IREB2: variants seen among roughly 807,000 people sequenced by gnomAD.
The protein encoded by IREB2 is iron responsive element binding protein 2, also known as iron-responsive element-binding protein 2.
Under a neutral mutation model 118.8 loss-of-function variants are expected in IREB2, and 39 were observed. That is an observed-to-expected ratio of 0.33 (90% CI 0.25 to 0.43). The LOEUF (loss-of-function observed/expected upper bound fraction) is 0.43. Among genes scored for constraint, IREB2 ranks in the 20% least tolerant of loss-of-function variants. The pLI is 1.00. For synonymous variants in IREB2, 372 were observed against 392.2 expected, an observed-to-expected ratio of 0.95 and a Z score of 0.61; for missense variants, 900 against 1,147.3, an observed-to-expected ratio of 0.78 and a Z score of 3.11.
intron 10 of IREB2, among the ~76,000 whole-genome samples, chr15:78,478,736 A>G (rs985172251): frequency 6.6e-6 from 1 of 152,134 alleles, no homozygotes; most frequent in Admixed American, 6.5e-5. Flanking sequence ...AATAAATTCT[A>G]GAGTACCTGA....
At position 78,489,647 on chromosome 15, in the gene IREB2, T is replaced by TG. The variant is rs201119004; in HGVS notation, c.2077-771dup. On this transcript the variant is annotated intron_variant, in intron 16 of 21. Transcript: ENST00000258886. The stretch of plus-strand genomic sequence containing the variant: ...CCTGCTCCTCAGCCTCCTGAGTAGC[T>TG]GGGGCCACAGGCGCTCACCATCAGG... Among the ~76,000 whole-genome samples the TG allele has an allele frequency of 3.6e-3, 551 of 152,222 alleles. 23 individuals are homozygous for TG. In the East Asian group the frequency reaches 0.091, roughly 25 times the overall value.
At chr15:78,488,838 T>G (rs1873773244) in intron 16 of IREB2, 67 bp downstream of exon 16, 1 of 886,896 alleles carries the variant, frequency 1.1e-6, no homozygotes, top group South Asian at 2.1e-5. Flanking sequence ...TCATATATCT[T>G]CTGAATAGAA....
At chr15:78,465,147 A>AAAATAT in intron 3 of IREB2, 104 bp from the exon 4 acceptor site, 1 of 868,928 alleles carries the variant, frequency 1.2e-6, no homozygotes, top group South Asian at 1.9e-5. Flanking sequence ...AATGTAAACT[A>AAAATAT]GACAGGGATA....
intron 5 of IREB2, among the ~76,000 whole-genome samples, chr15:78,468,141 A>C (rs529375648): frequency 6.6e-6 from 1 of 152,216 alleles, no homozygotes; most frequent in Non-Finnish European, 1.5e-5. Flanking sequence ...AGCATGAGCT[A>C]CTGTGCCCAG....
chr15:78,494,353 AT>A, intron 20 of IREB2, 89 bp downstream of exon 20: 1 of 1,335,056 alleles, frequency 7.5e-7, no homozygotes, highest in Non-Finnish European at 1.0e-6. Flanking sequence ...GTTTATCTGG[AT>A]TTTTTATAGT....
intron 5 of IREB2, among the ~76,000 whole-genome samples, chr15:78,467,039 G>A (rs2051294937): frequency 6.6e-6 from 1 of 151,520 alleles, no homozygotes; most frequent in African/African-American, 2.4e-5. Flanking sequence ...CAGCACTGGT[G>A]AAACCCTGTG....
At chr15:78,488,074 T>C in intron 14 of IREB2, 106 bp from the exon 15 acceptor site, 1 of 1,019,200 alleles carries the variant, frequency 9.8e-7, no homozygotes, top group Non-Finnish European at 1.4e-6. Context: ...ATATGTTTTT[T>C]GGTTAATCTC....
intron 2 of IREB2, among the ~76,000 whole-genome samples, chr15:78,441,564 T>C (rs765689791): frequency 2.6e-5 from 4 of 152,232 alleles, no homozygotes; most frequent in Non-Finnish European, 4.4e-5. Context: ...ATAAATACTT[T>C]CTGTGTATAA....
At position 78,461,675 on chromosome 15, in the gene IREB2, C is replaced by T. The variant is rs117420848; in HGVS notation, c.107-1247C>T. On this transcript the variant is annotated intron_variant, in intron 2 of 21. Transcript: ENST00000258886. ...CTCTGCATACTTCCTCCTCCTCGCC[C>T]CCCTCCACCTCACCCAGTGAGCAGG... 3.1e-3 allele frequency among the ~76,000 whole-genome samples: 473 copies of T among 152,228 alleles called. 2 individuals carry two copies. The highest frequency in any genetic ancestry group is 5.6e-3 in the Non-Finnish European group (382 of 68,018).
chr15:78,490,347 G>T (rs1596014293), intron 16 of IREB2, 75 bp from the exon 17 acceptor site: 2 of 885,696 alleles, frequency 2.3e-6, no homozygotes, highest in Non-Finnish European at 3.6e-6. Context: ...TTATTCCCTT[G>T]ATCATTTTCA....
intron 10 of IREB2, among the ~76,000 whole-genome samples, chr15:78,480,427 C>T (rs1283852835): frequency 6.6e-6 from 1 of 152,170 alleles, no homozygotes; most frequent in Non-Finnish European, 1.5e-5. Flanking sequence ...CGCCTGTAAT[C>T]CCAGCACTTT....
At chr15:78,494,753 T>C (rs1021894520) in intron 20 of IREB2, among the ~76,000 whole-genome samples, 1 of 152,186 alleles carries the variant, frequency 6.6e-6, no homozygotes, top group East Asian at 1.9e-4. Flanking sequence ...TTGTATTGTT[T>C]GTAGAGATCG....
At chr15:78,468,700 TTC>T (rs1240228155) in intron 5 of IREB2, among the ~76,000 whole-genome samples, 4 of 152,216 alleles carry the variant, frequency 2.6e-5, no homozygotes, top group Non-Finnish European at 5.9e-5. Flanking sequence ...ATCTTCCAAA[TTC>T]TGTCTAGTTC....
At chr15:78,478,747 C>CCA (rs1213743999) in intron 10 of IREB2, among the ~76,000 whole-genome samples, 1 of 152,112 alleles carries the variant, frequency 6.6e-6, no homozygotes, top group Non-Finnish European at 1.5e-5. Context: ...GAGTACCTGA[C>CCA]CACCTGGGTT....
chr15:78,438,762 C>A (rs1057331818), intron 1 of IREB2: 1 of 279,422 alleles, frequency 3.6e-6, no homozygotes, highest in Non-Finnish European at 7.0e-6. Context: ...TCGGGTCTCA[C>A]GCAGCTAGAT....
At chr15:78,451,592 A>T (rs2051025201) in intron 2 of IREB2, among the ~76,000 whole-genome samples, 1 of 152,236 alleles carries the variant, frequency 6.6e-6, no homozygotes, top group Non-Finnish European at 1.5e-5. Context: ...CAATACGAGT[A>T]CTACAGGTTG....
chr15:78,459,355 T>G (rs1245969375), intron 2 of IREB2, among the ~76,000 whole-genome samples: 3 of 152,044 alleles, frequency 2.0e-5, no homozygotes, highest in African/African-American at 7.2e-5. Flanking sequence ...GGTTTTTTTG[T>G]TTTTTGTTTT....
At chr15:78,455,172 C>T (rs567688657) in intron 2 of IREB2, among the ~76,000 whole-genome samples, 6 of 151,972 alleles carry the variant, frequency 3.9e-5, no homozygotes, top group South Asian at 2.1e-4. Context: ...CCACATTGAC[C>T]CTAACTGCCT....
At chr15:78,468,026 A>AT (rs1214992909) in intron 5 of IREB2, among the ~76,000 whole-genome samples, 1 of 151,582 alleles carries the variant, frequency 6.6e-6, no homozygotes, top group Non-Finnish European at 1.5e-5. Context: ...TGCCTGGCTG[A>AT]TTTTTTCTGT....
Sources: allele counts gnomAD v4.1 joint callset (sites outside exome capture counted in the v4.1 genomes callset), GRCh38; gene constraint gnomAD v4.1.1; transcripts MANE v1.5; gene names NCBI Gene and HGNC (gene_info 2026-07-23, HGNC 2026-07-21).